The following FAT3 variants were observed in gnomAD, a reference collection of about 807,000 sequenced individuals.
The protein encoded by FAT3 is protocadherin Fat 3.
FAT3 carries 95 observed loss-of-function variants against 310.2 expected under a neutral mutation model. The observed-to-expected ratio is 0.31, with a 90% CI of 0.26 to 0.36. The LOEUF (loss-of-function observed/expected upper bound fraction) is 0.36, where lower values mean the gene tolerates loss of function less well. FAT3 is among the 10% of genes least tolerant of loss of function. The pLI is 1.00. For synonymous variants in FAT3, 2,314 were observed against 2,192.9 expected, an observed-to-expected ratio of 1.06 and a Z score of -1.54; for missense variants, 5,408 against 5,715.6, an observed-to-expected ratio of 0.95 and a Z score of 1.74.
Position 92,353,944 on chromosome 11 carries a change from T to C in FAT3, c.1832T>C (p.Val611Ala), listed in dbSNP as rs758338265. The C allele has an allele frequency of 1.2e-6, 2 of 1,612,312 alleles. No homozygotes were observed. The highest frequency in any genetic ancestry group is 1.3e-5 in the African/African-American group (1 of 75,032). ...ATCGATATCGATGAACTTGAACTTG[T>C]AAAGTACAAAATCATTTCTGGAAAT... is the stretch of plus-strand genomic sequence containing the variant. ...SAIDIDELEL[V>A]KYKIISGNEL... The change falls in exon 2 of 28, where the codon GTA (valine) becomes GCA (alanine). Residue 611 changes from valine to alanine, a missense_variant. Physicochemically the swap from Val to Ala is moderately conservative, Grantham distance 64 (BLOSUM62 0). Around this residue, in one of 5 missense-constraint regions of FAT3, gnomAD observed 4,588 missense variants for 4,809.8 expected, o/e 0.95. Coordinates refer to ENST00000525166, the MANE Select transcript of FAT3 (RefSeq NM_001367949.2).
chr11:92,370,568 A>C (rs1165820346), intron 2 of FAT3, among the ~76,000 whole-genome samples: 1 of 152,242 alleles, frequency 6.6e-6, no homozygotes, highest in Non-Finnish European at 1.5e-5. Flanking sequence ...ATTAAACTGA[A>C]TTAGCCTTGA....
At chr11:92,303,924 T>G (rs866698921) in intron 1 of FAT3, among the ~76,000 whole-genome samples, 1 of 152,242 alleles carries the variant, frequency 6.6e-6, no homozygotes. Flanking sequence ...TGCAGAACCT[T>G]TTTTTCGCAA....
At chr11:92,676,745 T>C (rs1488542364) in intron 3 of FAT3, among the ~76,000 whole-genome samples, 2 of 152,222 alleles carry the variant, frequency 1.3e-5, no homozygotes, top group Admixed American at 6.5e-5. Context: ...TTCATAGCTA[T>C]ATATTTAGGC....
At chr11:92,868,289 A>T (rs564223427) in intron 22 of FAT3, among the ~76,000 whole-genome samples, 1 of 152,340 alleles carries the variant, frequency 6.6e-6, no homozygotes, top group African/African-American at 2.4e-5. Flanking sequence ...CACTATCGAA[A>T]TACAGACACC....
At chr11:92,835,882 G>A (rs1051406871) in intron 15 of FAT3, among the ~76,000 whole-genome samples, 4 of 152,110 alleles carry the variant, frequency 2.6e-5, no homozygotes, top group African/African-American at 9.7e-5. Context: ...CTGTTAGACC[G>A]CAAATTACAT....
At chr11:92,555,934 C>T (rs1339420193) in intron 3 of FAT3, among the ~76,000 whole-genome samples, 1 of 152,182 alleles carries the variant, frequency 6.6e-6, no homozygotes, top group Non-Finnish European at 1.5e-5. Flanking sequence ...TGTGACCAGG[C>T]AAGGTAAGCA....
At chr11:92,609,066 G>A (rs908099993) in intron 3 of FAT3, among the ~76,000 whole-genome samples, 1 of 152,132 alleles carries the variant, frequency 6.6e-6, no homozygotes, top group Non-Finnish European at 1.5e-5. Context: ...TGTTTCAAAC[G>A]CTCTTTACAT....
rs554169343 is a variant in FAT3, at chr11:92,270,373, C to T, written c.-18+45199C>T. 2.0e-5 allele frequency among the ~76,000 whole-genome samples: 3 copies of T among 152,054 alleles called. No individual in the cohort carries two copies. The South Asian group carries it at 6.2e-4, about 32-fold the overall frequency. ...CCCACTAGTGATATCATCTAGTCTA[C>T]TGGTTTTAAATATCATCTACTGGGG... On this transcript the variant is annotated intron_variant, in intron 1 of 27. Coordinates refer to ENST00000525166, the MANE Select transcript of FAT3 (RefSeq NM_001367949.2).
At position 92,524,939 on chromosome 11, in the gene FAT3, A is replaced by G; in HGVS notation, c.3598A>G (p.Ile1200Val). 1.9e-6 allele frequency: 3 copies of G among 1,613,388 alleles called. No homozygotes were observed. Among genetic ancestry groups the G allele is most frequent in the Non-Finnish European group, 2.5e-6 (3 of 1,179,558 alleles). ...TCCTCAGAATTTTTTTGCCATCAATATCAAAACAGGTAAGGGAATGCTTAT... is the reference window on the plus strand; with the variant it reads ...TCCTCAGAATTTTTTTGCCATCAATGTCAAAACAGGTAAGGGAATGCTTAT... ...GNPQNFFAIN[I>V]KTGLITTTSR... is the part of the protein sequence containing the mutation. Residue 1200 changes from isoleucine to valine, a missense_variant, in exon 3 of 28, where the codon ATC becomes GTC. Around this residue, in one of 5 missense-constraint regions of FAT3, gnomAD observed 4,588 missense variants for 4,809.8 expected, o/e 0.95. Transcript: ENST00000525166.
intron 2 of FAT3, among the ~76,000 whole-genome samples, chr11:92,469,993 C>T (rs1951866245): frequency 6.6e-6 from 1 of 152,140 alleles, no homozygotes; most frequent in African/African-American, 2.4e-5. Flanking sequence ...ATTCCAAGTG[C>T]AGAAGGAACA....
Position 92,355,039 on chromosome 11 carries a change from T to A in FAT3, c.2927T>A (p.Val976Asp). 1 of 1,613,784 alleles carries A rather than the reference T, an allele frequency of 6.2e-7. No individual in the cohort carries two copies. Among genetic ancestry groups the A allele is most frequent in the Non-Finnish European group, 8.5e-7 (1 of 1,179,868 alleles). Residue 976 changes from valine to aspartate, a missense_variant, in exon 2 of 28, where the codon GTC becomes GAC. Physicochemically the swap from Val to Asp is radical, Grantham distance 152. Coordinates refer to ENST00000525166, the MANE Select transcript of FAT3 (RefSeq NM_001367949.2). ...GGGGGTCAAGTGCGCTATTCTTTGGTCAATGACTATAATGGGAGATTTGAA... is the reference window on the plus strand; with the variant it reads ...GGGGGTCAAGTGCGCTATTCTTTGGACAATGACTATAATGGGAGATTTGAA... ...GLGGQVRYSL[V>D]NDYNGRFEID...
chr11:92,403,905 G>A (rs773346788), intron 2 of FAT3, among the ~76,000 whole-genome samples: 36 of 152,020 alleles, frequency 2.4e-4, no homozygotes, highest in Non-Finnish European at 5.0e-4. Flanking sequence ...ACATGGTGGT[G>A]GGTGCCTGTG....
At chr11:92,266,557 G>A (rs1405915624) in intron 1 of FAT3, among the ~76,000 whole-genome samples, 2 of 152,082 alleles carry the variant, frequency 1.3e-5, no homozygotes, top group East Asian at 3.9e-4. Flanking sequence ...TTATATTAGG[G>A]AATTTAGTAG....
At position 92,792,752 on chromosome 11, in the gene FAT3, G is replaced by T; in HGVS notation, c.4612-15G>T. On this transcript the variant is annotated splice_polypyrimidine_tract_variant and intron_variant, in intron 8 of 27. Coordinates refer to ENST00000525166, the MANE Select transcript of FAT3 (RefSeq NM_001367949.2). ...TAAAATTTGAGTCCCACCACTTCTT[G>T]TATTTTGCCTAAAGGTCAGAGATCA... 1.2e-6 allele frequency: 2 copies of T among 1,612,330 alleles called. No individual in the cohort carries two copies. Among genetic ancestry groups the T allele is most frequent in the Non-Finnish European group, 1.7e-6 (2 of 1,179,062 alleles).
At chr11:92,633,535 C>T (rs1050792370) in intron 3 of FAT3, among the ~76,000 whole-genome samples, 4 of 152,150 alleles carry the variant, frequency 2.6e-5, no homozygotes, top group Non-Finnish European at 5.9e-5. Flanking sequence ...CCTTCATTCT[C>T]TGTGTCCTCA....
chr11:92,705,932 ATGG>A (rs140083394), intron 4 of FAT3, among the ~76,000 whole-genome samples: 27,068 of 93,144 alleles, frequency 0.29, 2,495 homozygotes, highest in African/African-American at 0.36. Context: ...TGGTGGTGTG[ATGG>A]TGGTGATTGT....
rs11430971 is a variant in FAT3 at position 92,765,789 on chromosome 11, A to AGGG, written c.4195+706_4195+708dup. Among the ~76,000 whole-genome samples the AGGG allele has an allele frequency of 2.4e-3, 366 of 150,288 alleles. 1 individual carries two copies. Among genetic ancestry groups the AGGG allele is most frequent in the African/African-American group, 8.5e-3 (345 of 40,508 alleles). On this transcript the variant is annotated intron_variant, in intron 6 of 27. Coordinates refer to ENST00000525166, the MANE Select transcript of FAT3 (RefSeq NM_001367949.2). ...TTTGATAGGGTTTGGATTTTTTTTG[A>AGGG]GGGGGGGGTTGTTTTGACTTTTATT...
intron 24 of FAT3, 194 bp from the exon 25 acceptor site, chr11:92,886,806 A>G (rs1949807072): frequency 1.7e-6 from 1 of 572,826 alleles, no homozygotes. Context: ...TTTCGAATCC[A>G]TAATGTAAAT....
intron 2 of FAT3, among the ~76,000 whole-genome samples, chr11:92,411,611 G>C (rs1044882208): frequency 6.6e-6 from 1 of 152,100 alleles, no homozygotes; most frequent in Admixed American, 6.5e-5. Context: ...GAGAATCCAG[G>C]GATTCTCAGA....
Sources: gnomAD v4.1 joint callset for allele counts (sites outside exome capture counted in the v4.1 genomes callset) on GRCh38, gnomAD v4.1.1 for gene constraint, gnomAD v4.1.1 regional missense constraint, MANE v1.5 for transcripts, NCBI Gene and HGNC (gene_info 2026-07-23, HGNC 2026-07-21) for gene names.